The following SH2D4A variants were observed in gnomAD, a reference collection of about 807,000 sequenced individuals.
SH2D4A encodes SH2 domain containing 4A, also known as SH2 domain-containing protein 4A.
Under a neutral mutation model 64.7 loss-of-function variants are expected in SH2D4A, and 70 were observed. That is an observed-to-expected ratio of 1.08 (90% confidence interval 0.89 to 1.32). SH2D4A has a LOEUF of 1.32. Ranked by LOEUF, SH2D4A falls within the 40% of genes most tolerant of loss-of-function variation. SH2D4A has a pLI of 0.00. For synonymous variants in SH2D4A, 268 were observed against 200.7 expected, an observed-to-expected ratio of 1.34 and a Z score of -2.83; for missense variants, 706 against 540.1, an observed-to-expected ratio of 1.31 and a Z score of -3.04.
intron 2 of SH2D4A, among the ~76,000 whole-genome samples, chr8:19,332,458 A>T (rs950883363): frequency 2.0e-5 from 3 of 152,094 alleles, no homozygotes; most frequent in Non-Finnish European, 2.9e-5. Flanking sequence ...AGATGGTGAA[A>T]TCCTGTCTCT....
chr8:19,386,089 G>A (rs1204305898), intron 8 of SH2D4A, among the ~76,000 whole-genome samples: 1 of 152,216 alleles, frequency 6.6e-6, no homozygotes, highest in Non-Finnish European at 1.5e-5. Context: ...CACTGCCGGT[G>A]TGTGGCAGAG....
chr8:19,331,511 C>A (rs976726849), intron 2 of SH2D4A, among the ~76,000 whole-genome samples: 2 of 152,106 alleles, frequency 1.3e-5, no homozygotes, highest in African/African-American at 4.8e-5. Context: ...GGAGCATGAC[C>A]GATGTGGCCG....
At chr8:19,372,073 GTCT>G (rs1309914229) in intron 7 of SH2D4A, among the ~76,000 whole-genome samples, 1 of 152,132 alleles carries the variant, frequency 6.6e-6, no homozygotes, top group Non-Finnish European at 1.5e-5. Flanking sequence ...ATTGTCCTGA[GTCT>G]TCTTGATGCT....
chr8:19,346,110 A>G (rs2052609090), intron 4 of SH2D4A, among the ~76,000 whole-genome samples: 1 of 152,240 alleles, frequency 6.6e-6, no homozygotes, highest in African/African-American at 2.4e-5. Context: ...AGTACCAGAT[A>G]CCTGGAAACC....
intron 8 of SH2D4A, among the ~76,000 whole-genome samples, chr8:19,382,167 T>G (rs1469929419): frequency 6.6e-6 from 1 of 152,224 alleles, no homozygotes; most frequent in Admixed American, 6.5e-5. Flanking sequence ...CTTGGACATT[T>G]CTTGCATGGC....
intron 5 of SH2D4A, among the ~76,000 whole-genome samples, chr8:19,358,618 G>T (rs1243992171): frequency 2.0e-5 from 3 of 152,204 alleles, no homozygotes; most frequent in Non-Finnish European, 4.4e-5. Flanking sequence ...CACTTGGCAT[G>T]GTGGGGAAAG....
chr8:19,317,173 A>C, intron 1 of SH2D4A, among the ~76,000 whole-genome samples: 1 of 152,154 alleles, frequency 6.6e-6, no homozygotes, highest in East Asian at 1.9e-4. Flanking sequence ...CATTTACTGG[A>C]ATGTCAAGGA....
intron 7 of SH2D4A, 86 bp from the exon 8 acceptor site, chr8:19,373,444 G>GTGTATA: frequency 5.0e-6 from 3 of 600,206 alleles, no homozygotes; most frequent in East Asian, 3.3e-5. Flanking sequence ...ATGTGTGTGT[G>GTGTATA]TATATATATA....
intron 3 of SH2D4A, 122 bp downstream of exon 3, chr8:19,333,236 A>T: frequency 9.0e-7 from 1 of 1,113,570 alleles, no homozygotes; most frequent in Non-Finnish European, 1.2e-6. Flanking sequence ...GGGTCACAAA[A>T]GTCACTTTGG....
At chr8:19,318,481 G>C (rs2052128098) in intron 1 of SH2D4A, among the ~76,000 whole-genome samples, 1 of 152,170 alleles carries the variant, frequency 6.6e-6, no homozygotes, top group Non-Finnish European at 1.5e-5. Flanking sequence ...CCAACCACAG[G>C]AGAACTTCTA....
At chr8:19,340,249 C>T (rs1308646457) in intron 4 of SH2D4A, among the ~76,000 whole-genome samples, 1 of 152,074 alleles carries the variant, frequency 6.6e-6, no homozygotes, top group Non-Finnish European at 1.5e-5. Flanking sequence ...GGGGCAGGGC[C>T]AGGCAAGACA....
intron 4 of SH2D4A, among the ~76,000 whole-genome samples, chr8:19,346,899 G>C (rs2052622260): frequency 6.6e-6 from 1 of 152,198 alleles, no homozygotes; most frequent in Non-Finnish European, 1.5e-5. Flanking sequence ...GTTCTTATCA[G>C]GAGGCCAGGC....
intron 8 of SH2D4A, among the ~76,000 whole-genome samples, chr8:19,383,393 GTTTT>G (rs1243294785): frequency 1.4e-5 from 2 of 141,648 alleles, no homozygotes; most frequent in African/African-American, 2.6e-5. Context: ...TTTGTTCTTG[GTTTT>G]TTTTTTTTTA....
chr8:19,369,274 C>A (rs2053054922), intron 7 of SH2D4A, among the ~76,000 whole-genome samples: 1 of 151,932 alleles, frequency 6.6e-6, no homozygotes, highest in Admixed American at 6.6e-5. Flanking sequence ...TCATCATCAT[C>A]AGGAATATTG....
At chr8:19,322,012 G>C in intron 2 of SH2D4A, among the ~76,000 whole-genome samples, 1 of 146,632 alleles carries the variant, frequency 6.8e-6, no homozygotes, top group Non-Finnish European at 1.5e-5. Flanking sequence ...GTTAATATAA[G>C]TGGGGAAAGT....
Position 19,361,211 on chromosome 8 carries a change from A to G in SH2D4A, c.603A>G (p.Glu201=). The change falls in exon 6 of 10, where the codon GAA becomes GAG. Residue 201 remains glutamate, a synonymous_variant. Transcript: ENST00000265807. The part of the protein sequence containing the change: ...MKAYAFHQKK[E]SMKKKQDEEI... Reference sequence around the variant, plus strand: ...GTTTTGTTTTTAAACAGAAGAAAGAATCTATGAAGAAAAAACAAGATGAAG... The same window carrying G: ...GTTTTGTTTTTAAACAGAAGAAAGAGTCTATGAAGAAAAAACAAGATGAAG... The G allele has an allele frequency of 1.3e-6, 2 of 1,508,378 alleles. No homozygotes were observed. Among genetic ancestry groups the G allele is most frequent in the Admixed American group, 1.8e-5 (1 of 54,650 alleles). 93.4% of individuals were successfully genotyped at this position (1,508,378 alleles called of 1,614,324 possible).
chr8:19,328,447 G>C (rs2052318398), intron 2 of SH2D4A, among the ~76,000 whole-genome samples: 3 of 152,192 alleles, frequency 2.0e-5, no homozygotes, highest in Admixed American at 2.0e-4. Flanking sequence ...GCGAGTTTCA[G>C]GATTCTGGCA....
intron 5 of SH2D4A, among the ~76,000 whole-genome samples, chr8:19,359,067 G>C (rs1194636519): frequency 1.3e-5 from 2 of 152,214 alleles, no homozygotes; most frequent in African/African-American, 2.4e-5. Context: ...CTTCTGAATA[G>C]AGAAAGTAAA....
chr8:19,389,308 G>A (rs2053444682), intron 8 of SH2D4A, among the ~76,000 whole-genome samples: 18 of 152,102 alleles, frequency 1.2e-4, no homozygotes, highest in Admixed American at 1.2e-3. Flanking sequence ...GGCCTTTCCT[G>A]GGCAAAATGT....
Sources: gnomAD v4.1 joint callset for allele counts (sites outside exome capture counted in the v4.1 genomes callset) on GRCh38, gnomAD v4.1.1 for gene constraint, MANE v1.5 for transcripts, NCBI Gene and HGNC (gene_info 2026-07-23, HGNC 2026-07-21) for gene names.